EIF3M: variants seen among roughly 807,000 people sequenced by gnomAD.
EIF3M encodes B5 receptor.
In EIF3M, 25 loss-of-function variants were observed where a neutral mutation model predicts 49.7. The ratio of observed to expected loss-of-function variants is 0.50; its 90% CI spans 0.37 to 0.70. The LOEUF (loss-of-function observed/expected upper bound fraction) is 0.70, where lower values mean the gene tolerates loss of function less well. Ranked by LOEUF, EIF3M falls within the 30% of genes least tolerant of loss-of-function variation. The probability of loss-of-function intolerance (pLI) is 0.00; values close to 1 mark genes in which losing one functional copy is unlikely to be tolerated. For synonymous variants in EIF3M, 156 were observed against 149.8 expected (o/e 1.04, Z -0.30); for missense variants, 350 against 440.0 (o/e 0.80, Z 1.83).
At chr11:32,595,942 CTT>C (rs747713403) in intron 7 of EIF3M, 22 bp from the exon 8 acceptor site, 2 of 1,501,296 alleles carry the variant, frequency 1.3e-6, no homozygotes, top group Non-Finnish European at 1.8e-6. Context: ...TTGATGGTAT[CTT>C]TTTTGTCTCT....
At chr11:32,592,310 G>A (rs942172948) in intron 5 of EIF3M, 1 of 531,836 alleles carries the variant, frequency 1.9e-6, no homozygotes, top group Non-Finnish European at 3.6e-6. Flanking sequence ...ATTTTATCAT[G>A]ATCATCAAAA....
chr11:32,584,119 TC>T, intron 1 of EIF3M, 190 bp downstream of exon 1: 1 of 709,448 alleles, frequency 1.4e-6, no homozygotes. Context: ...CGGCCGGCGG[TC>T]CCAGCGCGGG....
chr11:32,585,957 C>T (rs1372189343), intron 1 of EIF3M, among the ~76,000 whole-genome samples: 2 of 152,090 alleles, frequency 1.3e-5, no homozygotes, highest in African/African-American at 2.4e-5. Context: ...AGGCTGAGCA[C>T]GGTGGCTCAC....
rs1855304290 is a variant in EIF3M at position 32,603,487 on chromosome 11, T to C, written c.*1088T>C. The C allele has an allele frequency of 6.5e-6, 1 of 152,682 alleles. No individual in the cohort carries two copies. Among genetic ancestry groups the C allele is most frequent in the Non-Finnish European group, 1.5e-5 (1 of 68,376 alleles). The allele number at this position is 152,682 out of a possible 1,614,324, so 9.5% of individuals were successfully genotyped here. On this transcript the variant is annotated 3_prime_UTR_variant, in exon 11 of 11. Coordinates refer to ENST00000531120, the MANE Select transcript of EIF3M (RefSeq NM_006360.6). The stretch of plus-strand genomic sequence containing the variant: ...ACTAAAAATCATTAGTAATCCCTTA[T>C]CCAGAGAGGCTTGTTGACATTTTGG...
rs1403443623 is a variant in EIF3M at position 32,593,962 on chromosome 11, G to A, written c.617+13G>A. The A allele has an allele frequency of 4.7e-6, 7 of 1,492,664 alleles. No individual in the cohort carries two copies. The highest frequency in any genetic ancestry group is 5.4e-6 in the Non-Finnish European group (6 of 1,116,684). 92.5% of individuals were successfully genotyped at this position (1,492,664 alleles called of 1,614,324 possible). A position where few individuals can be genotyped will look rare whatever the true frequency, so the allele number is the denominator to read the frequency against. Reference sequence around the variant, plus strand: ...TTGATGCCCACAGGTAATGTTAAACGTTACTCTGATGAGGGTTTGACAGCG... The same window carrying A: ...TTGATGCCCACAGGTAATGTTAAACATTACTCTGATGAGGGTTTGACAGCG... On this transcript the variant is annotated intron_variant, in intron 6 of 10. Transcript: ENST00000531120.
intron 1 of EIF3M, among the ~76,000 whole-genome samples, chr11:32,585,140 AAAGT>A (rs1402331102): frequency 6.6e-6 from 1 of 152,128 alleles, no homozygotes; most frequent in Non-Finnish European, 1.5e-5. Flanking sequence ...TCTGAAGAGC[AAAGT>A]AAGAAGGGAA....
In EIF3M at chr11:32,588,252, G is replaced by T. The variant is rs190605041; in HGVS notation, c.176-342G>T. 4.8e-3 allele frequency among the ~76,000 whole-genome samples: 733 copies of T among 152,072 alleles called. 5 individuals carry two copies. Among genetic ancestry groups the T allele is most frequent in the African/African-American group, 0.017 (709 of 41,482 alleles). ...AAAAATACAAAAATTAGCCGGGCGT[G>T]GTGGCGGGTGCCTGTAGTCCCAGCT... On this transcript the variant is annotated intron_variant, in intron 2 of 10. Transcript: ENST00000531120.
chr11:32,587,425 T>C (rs918789175), intron 2 of EIF3M, among the ~76,000 whole-genome samples: 6 of 152,392 alleles, frequency 3.9e-5, no homozygotes, highest in Admixed American at 1.3e-4. Flanking sequence ...CTTTTCTTTA[T>C]GTTGGAAACA....
chr11:32,594,040 C>A, intron 6 of EIF3M, 91 bp downstream of exon 6: 1 of 846,994 alleles, frequency 1.2e-6, no homozygotes. Context: ...ATGTTTGCAA[C>A]TACCAGTGAT....
chr11:32,589,757 G>A lies in EIF3M; in HGVS notation c.533+116G>A, dbSNP rs1855071341. The A allele has an allele frequency of 8.9e-6, 6 of 673,652 alleles. No homozygotes were observed. The South Asian group carries it at 9.4e-5, about 11-fold the overall frequency. 41.7% of individuals were successfully genotyped at this position (673,652 alleles called of 1,614,324 possible). ...GCTTTACTCTGTTCTCCACAGAGTTGCTATAAATCTATTTCTATAAATTTG... is the reference window on the plus strand; with the variant it reads ...GCTTTACTCTGTTCTCCACAGAGTTACTATAAATCTATTTCTATAAATTTG... On this transcript the variant is annotated intron_variant, in intron 5 of 10. Transcript: ENST00000531120.
chr11:32,597,042 G>T (rs565380327), intron 8 of EIF3M, among the ~76,000 whole-genome samples: 1 of 152,302 alleles, frequency 6.6e-6, no homozygotes, highest in East Asian at 1.9e-4. Context: ...TCGGGTGTTT[G>T]GAGAAGATTG....
At chr11:32,596,600 C>CAAAAA (rs35206274) in intron 8 of EIF3M, among the ~76,000 whole-genome samples, 6 of 116,360 alleles carry the variant, frequency 5.2e-5, no homozygotes, top group African/African-American at 1.3e-4. Flanking sequence ...GAGTCTGTCT[C>CAAAAA]AAAAAAAAAA....
At chr11:32,594,649 C>CT (rs1483374992) in intron 6 of EIF3M, 5 of 299,506 alleles carry the variant, frequency 1.7e-5, no homozygotes, top group African/African-American at 1.1e-4. Context: ...TGTGGTTCTG[C>CT]TGCTGCTTAC....
At position 32,602,810 on chromosome 11, in the gene EIF3M, A is replaced by ATTAT. The variant is rs752115352; in HGVS notation, c.*414_*417dup. On this transcript the variant is annotated 3_prime_UTR_variant, in exon 11 of 11. Coordinates refer to ENST00000531120, the MANE Select transcript of EIF3M (RefSeq NM_006360.6). ...TTCACTACTGAAAGCACTTATCTAC[A>ATTAT]TTATTTTAATCTGTTGTTTTTTTCC... The ATTAT allele has an allele frequency of 1.9e-6, 3 of 1,569,222 alleles. 1 individual carries two copies. Among genetic ancestry groups the ATTAT allele is most frequent in the South Asian group, 2.3e-5 (2 of 85,532 alleles).
chr11:32,589,404 G>T, intron 4 of EIF3M, 143 bp from the exon 5 acceptor site: 2 of 875,566 alleles, frequency 2.3e-6, no homozygotes, highest in Non-Finnish European at 1.7e-6. Flanking sequence ...TCGAACTCCC[G>T]ACTTCAGTTG....
In EIF3M at chr11:32,600,845, G is replaced by T; in HGVS notation, c.943+13G>T. On this transcript the variant is annotated intron_variant, in intron 9 of 10. Transcript: ENST00000531120. ...TTTGTTATTGACGGTAAGGCAGACA[G>T]AACATTTTCATTTATTTCTAGAATT... 4 of 1,581,282 alleles carry T rather than the reference G, an allele frequency of 2.5e-6. No homozygotes were observed. The South Asian group carries it at 3.5e-5, about 14-fold the overall frequency.
rs749673233 is a variant in EIF3M at position 32,583,841 on chromosome 11, C to G, written c.-47C>G. 1 of 1,601,034 alleles carries G rather than the reference C, an allele frequency of 6.2e-7. No individual in the cohort carries two copies. ...GCGCGGCCCAGTTCCCTTTTCCGGT[C>G]GGCGTGGTCTTGCGAGTGGAGTGTC... On this transcript the variant is annotated 5_prime_UTR_variant, in exon 1 of 11. Transcript: ENST00000531120.
At chr11:32,598,827 A>G (rs573189897) in intron 8 of EIF3M, among the ~76,000 whole-genome samples, 1 of 152,160 alleles carries the variant, frequency 6.6e-6, no homozygotes, top group South Asian at 2.1e-4. Context: ...TAGAACTGAG[A>G]ATGTTAAGGA....
At chr11:32,584,065 G>T in intron 1 of EIF3M, 136 bp downstream of exon 1, 1 of 1,219,626 alleles carries the variant, frequency 8.2e-7, no homozygotes. Flanking sequence ...GGGGAGGCCG[G>T]TGGCTGGGGC....
Sources: allele counts gnomAD v4.1 joint callset (sites outside exome capture counted in the v4.1 genomes callset), GRCh38; gene constraint gnomAD v4.1.1; transcripts MANE v1.5; gene names NCBI Gene and HGNC (gene_info 2026-07-23, HGNC 2026-07-21).